Variants in EFNA5 observed in about 807,000 individuals in gnomAD.
The protein encoded by EFNA5 is ephrin A5.
Under a neutral mutation model 22.9 loss-of-function variants are expected in EFNA5, and 5 were observed. That is an observed-to-expected ratio of 0.22 (90% confidence interval 0.11 to 0.46). EFNA5 has a LOEUF of 0.46. Ranked by LOEUF, EFNA5 falls within the 20% of genes least tolerant of loss-of-function variation. The probability of loss-of-function intolerance (pLI) is 0.99; values close to 1 mark genes in which losing one functional copy is unlikely to be tolerated. For missense variants in EFNA5, 237 were observed against 293.3 expected (o/e 0.81, Z 1.40); for synonymous variants, 113 against 112.2 (o/e 1.01, Z -0.04).
chr5:107,640,871 G>C (rs1281284989), intron 1 of EFNA5, among the ~76,000 whole-genome samples: 1 of 152,144 alleles, frequency 6.6e-6, no homozygotes, highest in Non-Finnish European at 1.5e-5. Context: ...CAGGAGACCA[G>C]GACCTAGGGA....
At chr5:107,619,502 G>A (rs1749991960) in intron 1 of EFNA5, among the ~76,000 whole-genome samples, 1 of 148,688 alleles carries the variant, frequency 6.7e-6, no homozygotes, top group South Asian at 2.1e-4. Context: ...TCTCTCTGTT[G>A]CCCAGGCTGG....
At chr5:107,619,691 T>C (rs951638217) in intron 1 of EFNA5, among the ~76,000 whole-genome samples, 2 of 152,154 alleles carry the variant, frequency 1.3e-5, no homozygotes, top group Admixed American at 1.3e-4. Flanking sequence ...CTTGAACTCC[T>C]GGCCTTGTGA....
At chr5:107,605,522 T>C (rs1156300335) in intron 1 of EFNA5, among the ~76,000 whole-genome samples, 1 of 152,106 alleles carries the variant, frequency 6.6e-6, no homozygotes, top group Non-Finnish European at 1.5e-5. Flanking sequence ...GACCTACCAG[T>C]CTGCAAATGG....
chr5:107,564,328 T>C (rs1748614938), intron 1 of EFNA5, among the ~76,000 whole-genome samples: 1 of 152,214 alleles, frequency 6.6e-6, no homozygotes, highest in Admixed American at 6.5e-5. Context: ...ATCCTGCCAT[T>C]TCACACCCTT....
At chr5:107,610,538 T>C (rs1749805361) in intron 1 of EFNA5, among the ~76,000 whole-genome samples, 1 of 152,246 alleles carries the variant, frequency 6.6e-6, no homozygotes, top group Non-Finnish European at 1.5e-5. Context: ...GAAGGCAGAC[T>C]ACTTGGGGCC....
At chr5:107,428,210 G>A (rs1748855498) in intron 1 of EFNA5, among the ~76,000 whole-genome samples, 1 of 152,160 alleles carries the variant, frequency 6.6e-6, no homozygotes, top group African/African-American at 2.4e-5. Context: ...TTATTTTAGT[G>A]CATCTCGATT....
At chr5:107,527,047 A>G (rs1321470223) in intron 1 of EFNA5, among the ~76,000 whole-genome samples, 1 of 152,180 alleles carries the variant, frequency 6.6e-6, no homozygotes, top group African/African-American at 2.4e-5. Context: ...TGGATAAATC[A>G]GGAAAAAATA....
intron 1 of EFNA5, among the ~76,000 whole-genome samples, chr5:107,452,652 A>C (rs1420812192): frequency 6.6e-6 from 1 of 152,160 alleles, no homozygotes; most frequent in Non-Finnish European, 1.5e-5. Flanking sequence ...GCTTGAGCCC[A>C]GGAGGTCAAG....
chr5:107,663,578 A>G (rs1751010506), intron 1 of EFNA5, among the ~76,000 whole-genome samples: 1 of 152,138 alleles, frequency 6.6e-6, no homozygotes, highest in Non-Finnish European at 1.5e-5. Context: ...AAGAATATTT[A>G]TATCTTATAT....
chr5:107,573,797 G>C (rs10043302), intron 1 of EFNA5, among the ~76,000 whole-genome samples: 19,878 of 152,136 alleles, frequency 0.13, 1,914 homozygotes, highest in African/African-American at 0.27. Context: ...GAACGGAACA[G>C]TTTTAGAACG....
At chr5:107,556,785 T>TAAAATA (rs375771583) in intron 1 of EFNA5, among the ~76,000 whole-genome samples, 11 of 141,738 alleles carry the variant, frequency 7.8e-5, no homozygotes, top group Admixed American at 4.2e-4. Context: ...AATAAATAAA[T>TAAAATA]AAATAAAATA....
rs116039768 is a variant in EFNA5, at chr5:107,391,910, C to T, written c.419-4139G>A. 1.6e-3 allele frequency among the ~76,000 whole-genome samples: 243 copies of T among 152,292 alleles called. 1 individual carries two copies. The highest frequency in any genetic ancestry group is 2.3e-3 in the Non-Finnish European group (159 of 68,030). On this transcript the variant is annotated intron_variant, in intron 2 of 4. Transcript: ENST00000333274. ...GAGGGCCCCTTACTTTTACTCTGTT[C>T]CATGACCTCAGACAGGGGCTCTAAC...
At chr5:107,534,269 C>G (rs1747884642) in intron 1 of EFNA5, among the ~76,000 whole-genome samples, 1 of 152,154 alleles carries the variant, frequency 6.6e-6, no homozygotes, top group Admixed American at 6.5e-5. Flanking sequence ...TATAAGGGGT[C>G]TGATACTATC....
At chr5:107,471,150 A>T (rs1400947451) in intron 1 of EFNA5, among the ~76,000 whole-genome samples, 1 of 152,104 alleles carries the variant, frequency 6.6e-6, no homozygotes, top group Non-Finnish European at 1.5e-5. Flanking sequence ...CTGTAAAATC[A>T]ATTCTAATTT....
intron 1 of EFNA5, among the ~76,000 whole-genome samples, chr5:107,547,945 G>A (rs1167863768): frequency 6.6e-6 from 1 of 152,206 alleles, no homozygotes; most frequent in Non-Finnish European, 1.5e-5. Context: ...CAATTTCAGA[G>A]AAGGTGGTTT....
At chr5:107,577,146 A>G (rs1748944158) in intron 1 of EFNA5, among the ~76,000 whole-genome samples, 1 of 152,208 alleles carries the variant, frequency 6.6e-6, no homozygotes, top group African/African-American at 2.4e-5. Flanking sequence ...CACCTGCAAA[A>G]TGACTAACAT....
At chr5:107,493,044 C>A (rs991691478) in intron 1 of EFNA5, among the ~76,000 whole-genome samples, 2 of 148,560 alleles carry the variant, frequency 1.3e-5, no homozygotes, top group African/African-American at 5.0e-5. Flanking sequence ...GATTTTTTTT[C>A]AACAGGAAAG....
In EFNA5 at chr5:107,605,003, C is replaced by T. The variant is rs1349242186; in HGVS notation, c.125+65486G>A. ...CACACCAGCAGCCTAAAGACAGTGG[C>T]CTAAACTAGTTAAACTAGTTGATTC... On this transcript the variant is annotated intron_variant, in intron 1 of 4. Transcript: ENST00000333274. Among the ~76,000 whole-genome samples, 5 of 152,046 alleles carry T rather than the reference C, an allele frequency of 3.3e-5. No individual in the cohort carries two copies. In the East Asian group the frequency reaches 9.7e-4, roughly 29 times the overall value.
intron 1 of EFNA5, among the ~76,000 whole-genome samples, chr5:107,446,142 G>C (rs1289244002): frequency 6.6e-6 from 1 of 152,094 alleles, no homozygotes; most frequent in Non-Finnish European, 1.5e-5. Flanking sequence ...TCACTCCTAG[G>C]ACATGTTAGG....
Sources: allele counts gnomAD v4.1 joint callset (sites outside exome capture counted in the v4.1 genomes callset), GRCh38; gene constraint gnomAD v4.1.1; transcripts MANE v1.5; gene names NCBI Gene and HGNC (gene_info 2026-07-23, HGNC 2026-07-21).